Variants in MELK observed in about 807,000 individuals in gnomAD.
The protein encoded by MELK is maternal embryonic leucine zipper kinase, also known as pEg3 kinase.
Under a neutral mutation model 85.0 loss-of-function variants are expected in MELK, and 81 were observed. That is an observed-to-expected ratio of 0.95 (90% CI 0.80 to 1.15). The LOEUF is 1.15. MELK is among the 50% of genes most tolerant of loss of function. The pLI is 0.00. For missense variants in MELK, 754 were observed against 777.5 expected (o/e 0.97, Z 0.36); for synonymous variants, 252 against 265.0 (o/e 0.95, Z 0.48).
At chr9:36,621,759 G>A (rs1167547545) in intron 8 of MELK, among the ~76,000 whole-genome samples, 1 of 152,116 alleles carries the variant, frequency 6.6e-6, no homozygotes, top group East Asian at 1.9e-4. Flanking sequence ...TTCATTTGTT[G>A]TTACTGCAAG....
intron 8 of MELK, among the ~76,000 whole-genome samples, chr9:36,629,683 A>G (rs1323513128): frequency 2.0e-5 from 3 of 152,188 alleles, no homozygotes; most frequent in East Asian, 1.9e-4. Context: ...ACTACAGTGT[A>G]TACTTACTGT....
Position 36,621,275 on chromosome 9 carries a change from G to GAAAAAAAAA in MELK, c.667-8990_667-8982dup, listed in dbSNP as rs74181196. 1.8e-3 allele frequency among the ~76,000 whole-genome samples: 57 copies of GAAAAAAAAA among 32,446 alleles called. 10 individuals carry two copies. The highest frequency in any genetic ancestry group is 3.7e-3 in the East Asian group (3 of 820). The allele number at this position is 32,446 out of a possible 152,430, so 21.3% of individuals were successfully genotyped here. A position where few individuals can be genotyped will look rare whatever the true frequency, so the allele number is the denominator to read the frequency against. The stretch of plus-strand genomic sequence containing the variant: ...TGACAGAGTGAGACTCTGTCTCAGG[G>GAAAAAAAAA]AAAAAAAAAAAAAAAAAAAAAAAAA... On this transcript the variant is annotated intron_variant, in intron 8 of 17. Coordinates refer to ENST00000298048, the MANE Select transcript of MELK (RefSeq NM_014791.4).
At chr9:36,627,994 C>T (rs1478796619) in intron 8 of MELK, among the ~76,000 whole-genome samples, 2 of 151,988 alleles carry the variant, frequency 1.3e-5, no homozygotes, top group African/African-American at 2.4e-5. Flanking sequence ...CTCCACCTCC[C>T]GGGTTCAAGT....
intron 13 of MELK, among the ~76,000 whole-genome samples, chr9:36,662,167 A>G (rs969396961): frequency 1.3e-4 from 19 of 145,052 alleles, no homozygotes; most frequent in Admixed American, 2.7e-4. Context: ...ATTGGTTTCT[A>G]TTTGATTTCT....
rs1824390626 is a variant in MELK at position 36,597,275 on chromosome 9, CTG to C, written c.462_463del (p.Ala155LysfsTer5). 6.2e-7 allele frequency: 1 copy of C among 1,613,390 alleles called. No individual in the cohort carries two copies. The highest frequency in any genetic ancestry group is 8.5e-7 in the Non-Finnish European group (1 of 1,179,426). On this transcript the variant is annotated frameshift_variant, in exon 6 of 18. Transcript: ENST00000298048. LOFTEE classifies it high-confidence loss of function. Reference protein sequence around the residue: ...HKLKLIDFGLCAKPKGNKDYH... With the variant: ...HKLKLIDFGLXAKPKGNKDYH... ...AATTAAAGCTGATTGACTTTGGTCT[CTG>C]TGCAAAACCCAAGGTAAGTGCAGAA...
At chr9:36,644,815 A>G (rs1830078887) in intron 11 of MELK, among the ~76,000 whole-genome samples, 1 of 152,226 alleles carries the variant, frequency 6.6e-6, no homozygotes, top group Admixed American at 6.5e-5. Flanking sequence ...TTCAGTTCCA[A>G]TAGTTAATAA....
chr9:36,613,911 T>C (rs899548346), intron 8 of MELK, among the ~76,000 whole-genome samples: 25 of 151,916 alleles, frequency 1.6e-4, no homozygotes, highest in African/African-American at 5.3e-4. Flanking sequence ...CTACGTGAAA[T>C]GGGGAGCCAT....
At chr9:36,584,154 C>T (rs1354469922) in intron 3 of MELK, among the ~76,000 whole-genome samples, 1 of 150,998 alleles carries the variant, frequency 6.6e-6, no homozygotes, top group Non-Finnish European at 1.5e-5. Flanking sequence ...TACAGGCGCC[C>T]GCCACTACGC....
intron 3 of MELK, among the ~76,000 whole-genome samples, chr9:36,586,645 A>T (rs1457343003): frequency 6.6e-6 from 1 of 152,206 alleles, no homozygotes; most frequent in Admixed American, 6.6e-5. Flanking sequence ...TTATAACTTT[A>T]GTATGACTTA....
chr9:36,671,260 TTTTA>T (rs1564235123), intron 16 of MELK, 94 bp downstream of exon 16: 3 of 1,288,218 alleles, frequency 2.3e-6, no homozygotes, highest in African/African-American at 1.5e-5. Flanking sequence ...GATTAGTGTT[TTTTA>T]TTTGAGTATT....
chr9:36,616,823 G>GTT (rs11325318), intron 8 of MELK, among the ~76,000 whole-genome samples: 27 of 124,016 alleles, frequency 2.2e-4, no homozygotes, highest in East Asian at 4.6e-4. Context: ...CCCCTTCCCA[G>GTT]TTTTTTTTTT....
At chr9:36,586,149 TG>T (rs1822876202) in intron 3 of MELK, among the ~76,000 whole-genome samples, 1 of 152,052 alleles carries the variant, frequency 6.6e-6, no homozygotes, top group African/African-American at 2.4e-5. Context: ...GAGACCAGCC[TG>T]GGCAACAAGG....
At chr9:36,621,307 A>C (rs1188193646) in intron 8 of MELK, among the ~76,000 whole-genome samples, 7 of 139,752 alleles carry the variant, frequency 5.0e-5, no homozygotes, top group African/African-American at 1.3e-4. Flanking sequence ...AAAAAAAAAA[A>C]AAAAAAAAAA....
intron 3 of MELK, among the ~76,000 whole-genome samples, chr9:36,584,862 C>T (rs7025535): frequency 0.029 from 4,417 of 151,836 alleles, 216 homozygotes; most frequent in African/African-American, 0.1. Flanking sequence ...TGACCAGAGG[C>T]ACATGCCACT....
intron 11 of MELK, among the ~76,000 whole-genome samples, chr9:36,650,680 A>G (rs1830624357): frequency 6.6e-6 from 1 of 152,222 alleles, no homozygotes; most frequent in South Asian, 2.1e-4. Context: ...TCACTGGAGG[A>G]TGTGTTCCAC....
chr9:36,591,229 T>C (rs1274833113), intron 4 of MELK, among the ~76,000 whole-genome samples: 2 of 152,206 alleles, frequency 1.3e-5, no homozygotes, highest in African/African-American at 4.8e-5. Context: ...TAAAACCTCT[T>C]TGGTAATTTT....
At chr9:36,636,782 T>TCTG (rs1829220194) in intron 10 of MELK, among the ~76,000 whole-genome samples, 1,613 of 107,600 alleles carry the variant, frequency 0.015, 15 homozygotes, top group South Asian at 0.024. Flanking sequence ...CTTTCTTTCT[T>TCTG]TCTGTCTGTC....
In MELK at chr9:36,669,501, C is replaced by G. The variant is rs144160026; in HGVS notation, c.1505+95C>G. On this transcript the variant is annotated intron_variant, in intron 15 of 17. Transcript: ENST00000298048. ...TAGACCTGATTAAGGTAAATCATCA[C>G]ATAGATTCTGTTGGAGAGTAGGAAT... 38 of 874,744 alleles carry G rather than the reference C, an allele frequency of 4.3e-5. No homozygotes were observed. The East Asian group carries it at 1.1e-3, about 24-fold the overall frequency. 54.2% of individuals were successfully genotyped at this position (874,744 alleles called of 1,614,324 possible). A position where few individuals can be genotyped will look rare whatever the true frequency, so the allele number is the denominator to read the frequency against.
chr9:36,667,417 A>G (rs1832486725), intron 14 of MELK, among the ~76,000 whole-genome samples: 2 of 152,132 alleles, frequency 1.3e-5, no homozygotes, highest in South Asian at 2.1e-4. Flanking sequence ...CAGCCTCCCA[A>G]ATTTCTGGGA....
Sources: gnomAD v4.1 joint callset for allele counts (sites outside exome capture counted in the v4.1 genomes callset) on GRCh38, gnomAD v4.1.1 for gene constraint, MANE v1.5 for transcripts, NCBI Gene and HGNC (gene_info 2026-07-23, HGNC 2026-07-21) for gene names.